R3HCC1L: variants seen among roughly 807,000 people sequenced by gnomAD.
R3HCC1L encodes R3H domain and coiled-coil containing 1 like, also known as coiled-coil domain-containing protein R3HCC1L.
R3HCC1L carries 51 observed loss-of-function variants against 59.9 expected under a neutral mutation model. The observed-to-expected ratio is 0.85, with a 90% confidence interval of 0.68 to 1.07. The LOEUF (loss-of-function observed/expected upper bound fraction) is 1.07, where lower values mean the gene tolerates loss of function less well. R3HCC1L is among the 50% of genes least tolerant of loss of function. The pLI is 0.00. For synonymous variants in R3HCC1L, 322 were observed against 315.2 expected (o/e 1.02, Z -0.23); for missense variants, 965 against 933.0 (o/e 1.03, Z -0.45).
In R3HCC1L at chr10:98,209,382, C is replaced by T; in HGVS notation, c.1268C>T (p.Thr423Ile). 1 of 1,613,916 alleles carries T rather than the reference C, an allele frequency of 6.2e-7. No individual in the cohort carries two copies. The highest frequency in any genetic ancestry group is 1.1e-5 in the South Asian group (1 of 91,072). The change falls in exon 5 of 10, where the codon ACC becomes ATC. Residue 423 changes from threonine to isoleucine, a missense_variant. Physicochemically the swap from Thr to Ile is moderately conservative, Grantham distance 89 (BLOSUM62 -1). Transcript: ENST00000298999. ...TTTGTAGGAATGAGTGCAGATGCAA[C>T]CCCTCTTCATGTAGCTAGAAGTGGG... ...SKFVGMSADA[T>I]PLHVARSGND...
intron 4 of R3HCC1L, among the ~76,000 whole-genome samples, chr10:98,184,152 T>C (rs1849980333): frequency 1.3e-5 from 2 of 152,096 alleles, no homozygotes; most frequent in South Asian, 2.1e-4. Context: ...TCTCTAGCAT[T>C]ACTTTGTGTT....
chr10:98,164,263 A>T (rs1847725906), intron 4 of R3HCC1L, among the ~76,000 whole-genome samples: 1 of 152,232 alleles, frequency 6.6e-6, no homozygotes, highest in African/African-American at 2.4e-5. Flanking sequence ...GTGAGAAATA[A>T]ATGTTGATGT....
chr10:98,137,717 G>T (rs985443205), intron 1 of R3HCC1L, among the ~76,000 whole-genome samples: 1 of 152,054 alleles, frequency 6.6e-6, no homozygotes, highest in Non-Finnish European at 1.5e-5. Flanking sequence ...GATTCCAAAT[G>T]TTGCTTTGTA....
chr10:98,152,478 T>G (rs1426259961), intron 1 of R3HCC1L, among the ~76,000 whole-genome samples: 4,245 of 93,684 alleles, frequency 0.045, 212 homozygotes, highest in South Asian at 0.085. Context: ...GAGCGCCTCT[T>G]CCCGGCCGCC....
chr10:98,191,532 C>T (rs1043290332), intron 4 of R3HCC1L, among the ~76,000 whole-genome samples: 6 of 152,162 alleles, frequency 3.9e-5, no homozygotes, highest in African/African-American at 1.4e-4. Flanking sequence ...TGTTTAAGTT[C>T]TTTGTAGATT....
chr10:98,142,596 T>C (rs918528760), intron 1 of R3HCC1L, among the ~76,000 whole-genome samples: 6 of 150,714 alleles, frequency 4.0e-5, no homozygotes, highest in Admixed American at 1.3e-4. Flanking sequence ...GGAGATTGCA[T>C]CACTGCACTC....
chr10:98,137,001 GAGGTCGAGACCATCC>G (rs1331130107), intron 1 of R3HCC1L, among the ~76,000 whole-genome samples: 2 of 152,154 alleles, frequency 1.3e-5, no homozygotes, highest in Non-Finnish European at 2.9e-5. Context: ...ACGAGGTCAG[GAGGTCGAGACCATCC>G]TGGCCAACAT....
intron 1 of R3HCC1L, among the ~76,000 whole-genome samples, chr10:98,136,026 T>G (rs1295465732): frequency 6.6e-6 from 1 of 151,952 alleles, no homozygotes; most frequent in Admixed American, 6.6e-5. Flanking sequence ...AGTTTTTTTT[T>G]TTTTTTTGGG....
chr10:98,208,282 C>G lies in R3HCC1L; in HGVS notation c.168C>G (p.Leu56=), dbSNP rs761439395. ...AAGAAAAGCAAAAAGAAAGTTCTCTCTCCCAAAAAGAAGTCTTTAAAGACA... is the reference window on the plus strand; with the variant it reads ...AAGAAAAGCAAAAAGAAAGTTCTCTGTCCCAAAAAGAAGTCTTTAAAGACA... ...VVKEKQKESS[L]SQKEVFKDKP... Residue 56 remains leucine, a synonymous_variant, in exon 5 of 10, where the codon CTC becomes CTG. Coordinates refer to ENST00000298999, the MANE Select transcript of R3HCC1L (RefSeq NM_001351015.2). The G allele has an allele frequency of 2.1e-5, 34 of 1,614,006 alleles. No individual in the cohort carries two copies. In the East Asian group the frequency reaches 2.7e-4, roughly 13 times the overall value.
intron 1 of R3HCC1L, among the ~76,000 whole-genome samples, chr10:98,143,411 T>G (rs758694993): frequency 1.3e-5 from 2 of 152,222 alleles, no homozygotes; most frequent in Non-Finnish European, 1.5e-5. Context: ...TGATTTAAAT[T>G]AAGTACTGGA....
intron 1 of R3HCC1L, among the ~76,000 whole-genome samples, chr10:98,137,897 T>G (rs1350802875): frequency 6.6e-6 from 1 of 152,136 alleles, no homozygotes; most frequent in Non-Finnish European, 1.5e-5. Flanking sequence ...TTATTTTTAT[T>G]TTTTTTAAGC....
At position 98,208,793 on chromosome 10, in the gene R3HCC1L, G is replaced by C. The variant is rs901279526; in HGVS notation, c.679G>C (p.Val227Leu). 3.7e-6 allele frequency: 6 copies of C among 1,613,920 alleles called. No homozygotes were observed. The African/African-American group carries it at 6.7e-5, about 18-fold the overall frequency. Reference sequence around the variant, plus strand: ...TGAGTTTCCTAGAGTTTTTAGTTCTGTCATGAAACCTGAGAATATGATTGT... The same window carrying C: ...TGAGTTTCCTAGAGTTTTTAGTTCTCTCATGAAACCTGAGAATATGATTGT... ...LYEFPRVFSS[V>L]MKPENMIVPI... Residue 227 changes from valine (V) to leucine (L), a missense_variant, in exon 5 of 10, where the codon GTC becomes CTC. Val to Leu is a conservative substitution (Grantham distance 32). Coordinates refer to ENST00000298999, the MANE Select transcript of R3HCC1L (RefSeq NM_001351015.2).
intron 5 of R3HCC1L, among the ~76,000 whole-genome samples, chr10:98,222,883 A>G (rs1329532483): frequency 2.0e-5 from 3 of 152,238 alleles, no homozygotes; most frequent in Non-Finnish European, 4.4e-5. Flanking sequence ...CAGAAATACA[A>G]ACTACCATCA....
intron 6 of R3HCC1L, among the ~76,000 whole-genome samples, chr10:98,233,789 TATC>T (rs777095540): frequency 2.6e-5 from 4 of 152,206 alleles, no homozygotes; most frequent in Admixed American, 1.3e-4. Flanking sequence ...ATATTTCTCT[TATC>T]ATGATTCCTT....
intron 4 of R3HCC1L, among the ~76,000 whole-genome samples, chr10:98,185,274 T>G (rs1382794876): frequency 6.6e-6 from 1 of 152,142 alleles, no homozygotes; most frequent in Non-Finnish European, 1.5e-5. Context: ...CTGTGCTCAG[T>G]GTTGGGGGAT....
intron 4 of R3HCC1L, among the ~76,000 whole-genome samples, chr10:98,176,390 ATCTT>A (rs1163492699): frequency 2.0e-5 from 3 of 152,226 alleles, no homozygotes; most frequent in South Asian, 2.1e-4. Flanking sequence ...CTCATTTATG[ATCTT>A]TCTTTCGATT....
intron 4 of R3HCC1L, among the ~76,000 whole-genome samples, chr10:98,174,268 C>G (rs1276281242): frequency 6.6e-6 from 1 of 152,068 alleles, no homozygotes; most frequent in Non-Finnish European, 1.5e-5. Context: ...TCTGGAGATA[C>G]GAAGATGAAT....
At chr10:98,153,497 C>T (rs936459568) in intron 1 of R3HCC1L, among the ~76,000 whole-genome samples, 3 of 151,994 alleles carry the variant, frequency 2.0e-5, no homozygotes, top group African/African-American at 7.3e-5. Flanking sequence ...GGTCCTCTGC[C>T]TAAGAAAACC....
chr10:98,143,094 T>C (rs1440661306), intron 1 of R3HCC1L, among the ~76,000 whole-genome samples: 2 of 152,244 alleles, frequency 1.3e-5, no homozygotes, highest in African/African-American at 2.4e-5. Context: ...CTGAATCTTG[T>C]CTGGTCCCAC....
Sources: gnomAD v4.1 joint callset for allele counts (sites outside exome capture counted in the v4.1 genomes callset) on GRCh38, gnomAD v4.1.1 for gene constraint, MANE v1.5 for transcripts, NCBI Gene and HGNC (gene_info 2026-07-23, HGNC 2026-07-21) for gene names.